The following DMD variants were observed in gnomAD, a reference collection of about 807,000 sequenced individuals.
The protein encoded by DMD is dystrophin, also known as mutant dystrophin.
DMD carries 63 observed loss-of-function variants against 330.1 expected under a neutral mutation model. The ratio of observed to expected loss-of-function variants is 0.19; its 90% CI spans 0.16 to 0.24. The LOEUF (loss-of-function observed/expected upper bound fraction) is 0.24. Ranked by LOEUF, DMD falls within the 10% of genes least tolerant of loss-of-function variation. The probability of loss-of-function intolerance (pLI) is 1.00; values close to 1 mark genes in which losing one functional copy is unlikely to be tolerated. For synonymous variants in DMD, 1,223 were observed against 959.8 expected, an observed-to-expected ratio of 1.27 and a Z score of -5.07; for missense variants, 3,344 against 2,684.1, an observed-to-expected ratio of 1.25 and a Z score of -5.43.
chrX:31,699,056 TAAC>T (rs2083627942), intron 52 of DMD, among the ~76,000 whole-genome samples: 1 of 111,817 alleles, frequency 8.9e-6, no homozygotes, highest in East Asian at 2.8e-4. Flanking sequence ...ATGGGGATAA[TAAC>T]AAGAAAATTA....
chrX:31,612,358 A>C (rs1464559100), intron 55 of DMD, among the ~76,000 whole-genome samples: 3 of 112,242 alleles, frequency 2.7e-5, no homozygotes, highest in African/African-American at 9.7e-5. Context: ...CTCTTTAAGA[A>C]ATGAATTTCT....
chrX:31,481,147 C>T (rs909547291), intron 57 of DMD, among the ~76,000 whole-genome samples: 4 of 112,173 alleles, frequency 3.6e-5, no homozygotes, highest in African/African-American at 1.3e-4. Flanking sequence ...GACACTATTG[C>T]TATCTGGAAA....
At chrX:32,481,541 C>T (rs1451053096) in intron 21 of DMD, among the ~76,000 whole-genome samples, 1 of 111,717 alleles carries the variant, frequency 9.0e-6, no homozygotes, top group African/African-American at 3.2e-5. Flanking sequence ...CCTAATCTTT[C>T]ATTGATTTGT....
Position 31,807,955 on chromosome X carries a change from T to G in DMD, c.7309+12020A>C, listed in dbSNP as rs144538117. On this transcript the variant is annotated intron_variant, in intron 50 of 78. Transcript: ENST00000357033. ...TTTTGGATAACCATTCTCTCTAGGC[T>G]TTCATTTCCTCTCATGGTGAAAAAT... Among the ~76,000 whole-genome samples, 283 of 111,697 alleles carry G rather than the reference T, an allele frequency of 2.5e-3. 2 individuals are homozygous for G. The highest frequency in any genetic ancestry group is 8.7e-3 in the African/African-American group (268 of 30,809).
rs149107273 is a variant in DMD at position 32,537,070 on chromosome X, G to C, written c.2168+8089C>G. ...ACAGGTACATTTGGAGGGATTTAGT[G>C]ATGTGGCAGATATCAAGACCACTGT... On this transcript the variant is annotated intron_variant, in intron 17 of 78. Coordinates refer to ENST00000357033, the MANE Select transcript of DMD (RefSeq NM_004006.3). Among the ~76,000 whole-genome samples, 595 of 111,850 alleles carry C rather than the reference G, an allele frequency of 5.3e-3. 2 individuals carry two copies. Among genetic ancestry groups the C allele is most frequent in the Non-Finnish European group, 9.1e-3 (484 of 53,166 alleles).
At chrX:32,321,723 T>C (rs2097616359) in intron 41 of DMD, among the ~76,000 whole-genome samples, 1 of 111,895 alleles carries the variant, frequency 8.9e-6, no homozygotes, top group Non-Finnish European at 1.9e-5. Flanking sequence ...TCACTATGCA[T>C]CAAAATATCA....
intron 74 of DMD, among the ~76,000 whole-genome samples, chrX:31,153,330 T>G (rs963381433): frequency 7.1e-5 from 8 of 112,204 alleles, no homozygotes; most frequent in African/African-American, 2.6e-4. Flanking sequence ...AGTGTGTATG[T>G]GTCTCTCTCT....
At chrX:31,481,119 A>G (rs774444066) in intron 57 of DMD, among the ~76,000 whole-genome samples, 147 of 112,326 alleles carry the variant, frequency 1.3e-3, no homozygotes, top group Non-Finnish European at 1.8e-3. Flanking sequence ...AGGAGAGGGC[A>G]TGTCCAAAGA....
chrX:33,076,367 A>C (rs193004863), intron 1 of DMD, among the ~76,000 whole-genome samples: 41 of 111,628 alleles, frequency 3.7e-4, no homozygotes, highest in African/African-American at 1.2e-3. Flanking sequence ...TGTCTTGATA[A>C]ATCAACTCTG....
chrX:31,312,818 C>A (rs1311385317), intron 62 of DMD, among the ~76,000 whole-genome samples: 1 of 111,582 alleles, frequency 9.0e-6, no homozygotes, highest in Non-Finnish European at 1.9e-5. Context: ...GGACATGAAA[C>A]TGGAAGCCAT....
At chrX:32,335,506 ATATAACATGTG>A (rs1352613254) in intron 41 of DMD, among the ~76,000 whole-genome samples, 1 of 63,657 alleles carries the variant, frequency 1.6e-5, no homozygotes, top group Non-Finnish European at 3.5e-5. Context: ...CATGTTATAT[ATATAACATGTG>A]TATGTTATAT....
At chrX:33,302,643 C>A (rs2053682980) in intron 1 of DMD, among the ~76,000 whole-genome samples, 1 of 110,870 alleles carries the variant, frequency 9.0e-6, no homozygotes, top group Non-Finnish European at 1.9e-5. Flanking sequence ...AGCGTCACAG[C>A]AAAATTGAGA....
At chrX:32,864,648 C>G (rs150775313) in intron 2 of DMD, among the ~76,000 whole-genome samples, 369 of 111,425 alleles carry the variant, frequency 3.3e-3, no homozygotes, top group Non-Finnish European at 6.0e-3. Context: ...ATTGTTATAT[C>G]ATTTGACATC....
At chrX:32,686,678 G>C (rs1473043768) in intron 9 of DMD, among the ~76,000 whole-genome samples, 1 of 108,432 alleles carries the variant, frequency 9.2e-6, no homozygotes, top group African/African-American at 3.4e-5. Context: ...TTTGAATATA[G>C]TTTCATTAAA....
intron 53 of DMD, among the ~76,000 whole-genome samples, chrX:31,665,343 A>G (rs1377735626): frequency 8.9e-6 from 1 of 112,125 alleles, no homozygotes; most frequent in African/African-American, 3.2e-5. Flanking sequence ...TCACTAAACA[A>G]TTTGGTCCCA....
intron 1 of DMD, among the ~76,000 whole-genome samples, chrX:33,126,667 G>T (rs143134531): frequency 0.018 from 1,993 of 111,933 alleles, 50 homozygotes; most frequent in African/African-American, 0.061. Context: ...ATAAATAGAC[G>T]GATGATTGTT....
intron 45 of DMD, among the ~76,000 whole-genome samples, chrX:31,967,353 TG>T (rs1854364606): frequency 1.0e-5 from 1 of 95,845 alleles, no homozygotes; most frequent in Non-Finnish European, 2.1e-5. Context: ...TGTGTGTGTG[TG>T]TTTAGGTCAA....
intron 45 of DMD, among the ~76,000 whole-genome samples, chrX:31,934,153 G>A (rs1365661568): frequency 9.0e-6 from 1 of 111,549 alleles, no homozygotes; most frequent in Non-Finnish European, 1.9e-5. Flanking sequence ...TTATTTCTGG[G>A]GCAGTGCTTG....
chrX:32,412,145 A>T, intron 29 of DMD: 1 of 1,138,922 alleles, frequency 8.8e-7, no homozygotes. Flanking sequence ...ATGAAAATCA[A>T]TCACAATATC....
Sources: gnomAD v4.1 joint callset for allele counts (sites outside exome capture counted in the v4.1 genomes callset) on GRCh38, gnomAD v4.1.1 for gene constraint, MANE v1.5 for transcripts, NCBI Gene and HGNC (gene_info 2026-07-23, HGNC 2026-07-21) for gene names.